The following PDE7B variants were observed in gnomAD, a reference collection of about 807,000 sequenced individuals.
The protein encoded by PDE7B is 3',5'-cyclic-AMP phosphodiesterase 7B.
A neutral mutation model predicts 56.2 loss-of-function variants in PDE7B; 29 were observed. The ratio of observed to expected loss-of-function variants is 0.52; its 90% confidence interval spans 0.38 to 0.70. The LOEUF is 0.70. Among genes scored for constraint, PDE7B ranks in the 30% least tolerant of loss-of-function variants. PDE7B has a pLI of 0.00. For missense variants in PDE7B, 490 were observed against 565.0 expected, an observed-to-expected ratio of 0.87 and a Z score of 1.35; for synonymous variants, 197 against 196.9, an observed-to-expected ratio of 1.00 and a Z score of 0.00.
rs539261004 is a variant in PDE7B, at chr6:136,139,451, G to A, written c.167-7900G>A. 4.6e-5 allele frequency among the ~76,000 whole-genome samples: 7 copies of A among 152,292 alleles called. No homozygotes were observed. In the South Asian group the frequency reaches 1.0e-3, roughly 23 times the overall value. ...ACATACGTGTGCATGTGTCTTTAGA[G>A]CAGCATGATTTATAATCCTTTGGGT... On this transcript the variant is annotated intron_variant, in intron 3 of 12. Transcript: ENST00000308191.
chr6:135,887,007 C>T (rs1050174094), intron 1 of PDE7B, among the ~76,000 whole-genome samples: 1 of 152,134 alleles, frequency 6.6e-6, no homozygotes, highest in Non-Finnish European at 1.5e-5. Context: ...GTTCCCTTTT[C>T]ACCACATCAC....
chr6:136,062,215 T>G (rs1007835670), intron 2 of PDE7B, among the ~76,000 whole-genome samples: 3 of 152,190 alleles, frequency 2.0e-5, no homozygotes, highest in Non-Finnish European at 4.4e-5. Context: ...TTTTCCACCT[T>G]TATTGAGATA....
chr6:136,033,974 T>C (rs1776285489), intron 2 of PDE7B: 1 of 152,084 alleles, frequency 6.6e-6, no homozygotes, highest in Non-Finnish European at 1.5e-5. Context: ...CCTCCATAGT[T>C]TGCATTTTTT....
At chr6:136,055,035 G>T (rs1029626246) in intron 2 of PDE7B, among the ~76,000 whole-genome samples, 1 of 152,198 alleles carries the variant, frequency 6.6e-6, no homozygotes, top group African/African-American at 2.4e-5. Flanking sequence ...CCATATCACT[G>T]TGGAACTGTC....
intron 2 of PDE7B, among the ~76,000 whole-genome samples, chr6:136,099,825 G>A (rs1380264341): frequency 6.6e-6 from 1 of 152,196 alleles, no homozygotes; most frequent in Non-Finnish European, 1.5e-5. Flanking sequence ...TGCTTTTGGT[G>A]TTTTAGTCAT....
chr6:136,094,072 G>A (rs1234021527), intron 2 of PDE7B: 1 of 153,584 alleles, frequency 6.5e-6, no homozygotes, highest in East Asian at 1.9e-4. Flanking sequence ...GGTGCCAACA[G>A]GTTCTCTGTC....
At chr6:135,982,790 C>T (rs1173966402) in intron 2 of PDE7B, among the ~76,000 whole-genome samples, 2 of 152,074 alleles carry the variant, frequency 1.3e-5, no homozygotes, top group African/African-American at 2.4e-5. Flanking sequence ...AAATGCAACA[C>T]GTGGCCTTTT....
intron 2 of PDE7B, among the ~76,000 whole-genome samples, chr6:135,956,328 T>C (rs1042595198): frequency 2.6e-5 from 4 of 152,090 alleles, no homozygotes; most frequent in Non-Finnish European, 5.9e-5. Context: ...AAATGTAAAA[T>C]ACTGTAGAGG....
At chr6:135,882,066 T>C (rs1440328000) in intron 1 of PDE7B, among the ~76,000 whole-genome samples, 1 of 152,192 alleles carries the variant, frequency 6.6e-6, no homozygotes, top group Non-Finnish European at 1.5e-5. Flanking sequence ...TCAATTTAGA[T>C]TTAAATTTGC....
chr6:135,980,275 T>G (rs988475686), intron 2 of PDE7B, among the ~76,000 whole-genome samples: 26 of 152,142 alleles, frequency 1.7e-4, no homozygotes, highest in African/African-American at 6.3e-4. Context: ...CCTTACACCT[T>G]ATACAAAAAT....
chr6:136,089,124 G>A (rs896683549), intron 2 of PDE7B, among the ~76,000 whole-genome samples: 1 of 152,164 alleles, frequency 6.6e-6, no homozygotes, highest in Non-Finnish European at 1.5e-5. Context: ...ACTTAAATGT[G>A]AGACATGATA....
intron 8 of PDE7B, among the ~76,000 whole-genome samples, chr6:136,164,075 G>A (rs888835046): frequency 6.6e-6 from 1 of 152,158 alleles, no homozygotes; most frequent in East Asian, 1.9e-4. Flanking sequence ...TACTGTATTA[G>A]TCCATTCTCA....
At chr6:136,031,130 G>A (rs1776240085) in intron 2 of PDE7B, among the ~76,000 whole-genome samples, 1 of 152,234 alleles carries the variant, frequency 6.6e-6, no homozygotes, top group Admixed American at 6.5e-5. Flanking sequence ...GTCCTAATAG[G>A]TGTATCTGGA....
intron 3 of PDE7B, among the ~76,000 whole-genome samples, chr6:136,141,433 T>C (rs1778324286): frequency 6.6e-6 from 1 of 152,220 alleles, no homozygotes. Context: ...TTCTCCTTTT[T>C]TGTTGTGTCT....
At chr6:136,082,732 T>A (rs1440844093) in intron 2 of PDE7B, among the ~76,000 whole-genome samples, 1 of 152,170 alleles carries the variant, frequency 6.6e-6, no homozygotes, top group African/African-American at 2.4e-5. Flanking sequence ...CAATCTCACA[T>A]ACAGGAAAAT....
chr6:135,902,432 C>T (rs955794602), intron 1 of PDE7B, among the ~76,000 whole-genome samples: 1 of 151,444 alleles, frequency 6.6e-6, no homozygotes, highest in Non-Finnish European at 1.5e-5. Flanking sequence ...CAGCAATAGA[C>T]ATAATGTGGA....
At chr6:136,094,124 A>G (rs1201984190) in intron 2 of PDE7B, 1 of 152,268 alleles carries the variant, frequency 6.6e-6, no homozygotes, top group Admixed American at 6.5e-5. Context: ...AGCACCTTCT[A>G]TGTGTCCTCT....
intron 2 of PDE7B, among the ~76,000 whole-genome samples, chr6:136,016,814 C>CT (rs1448954678): frequency 6.6e-6 from 1 of 152,164 alleles, no homozygotes; most frequent in Admixed American, 6.5e-5. Flanking sequence ...GGGAAATTCT[C>CT]TTAGATACAC....
At position 136,155,668 on chromosome 6, in the gene PDE7B, G is replaced by T; in HGVS notation, c.621G>T (p.Leu207=). ...CGCCTCTGGACATCATGCTTGGACT[G>T]CTGGCTGCAGCAGCACACGATGTGG... ...FLTPLDIMLG[L]LAAAAHDVDH... Residue 207 remains leucine, a synonymous_variant, in exon 8 of 13, where the codon CTG becomes CTT. Transcript: ENST00000308191. 6.2e-7 allele frequency: 1 copy of T among 1,613,412 alleles called. No homozygotes were observed. The highest frequency in any genetic ancestry group is 8.5e-7 in the Non-Finnish European group (1 of 1,179,492).
Sources: allele counts gnomAD v4.1 joint callset (sites outside exome capture counted in the v4.1 genomes callset), GRCh38; gene constraint gnomAD v4.1.1; transcripts MANE v1.5; gene names NCBI Gene and HGNC (gene_info 2026-07-23, HGNC 2026-07-21).